The following RTF1 variants were observed in gnomAD, a reference collection of about 807,000 sequenced individuals.
RTF1 encodes the protein RNA polymerase-associated protein RTF1 homolog.
In RTF1, 10 loss-of-function variants were observed where a neutral mutation model predicts 95.7. That is an observed-to-expected ratio of 0.10 (90% CI 0.06 to 0.18). RTF1 has a LOEUF of 0.18. RTF1 is among the 10% of genes least tolerant of loss of function. The pLI is 1.00. For synonymous variants in RTF1, 305 were observed against 311.8 expected, an observed-to-expected ratio of 0.98 and a Z score of 0.23; for missense variants, 458 against 875.6, an observed-to-expected ratio of 0.52 and a Z score of 6.02.
At chr15:41,447,376 G>C (rs1490009939) in intron 2 of RTF1, among the ~76,000 whole-genome samples, 1 of 151,980 alleles carries the variant, frequency 6.6e-6, no homozygotes, top group Non-Finnish European at 1.5e-5. Flanking sequence ...TTTCAGTTGC[G>C]TGCCCAGAAG....
At chr15:41,436,233 C>T (rs1182235727) in intron 1 of RTF1, among the ~76,000 whole-genome samples, 2 of 147,514 alleles carry the variant, frequency 1.4e-5, no homozygotes, top group Non-Finnish European at 3.0e-5. Flanking sequence ...AGGCGGATCA[C>T]GAGGTCAGGA....
rs778939470 is a variant in RTF1, at chr15:41,480,242, C to T, written c.1943C>T (p.Ser648Phe). 11 of 1,613,272 alleles carry T rather than the reference C, an allele frequency of 6.8e-6. No homozygotes were observed. Among genetic ancestry groups the T allele is most frequent in the Non-Finnish European group, 6.8e-6 (8 of 1,179,302 alleles). Reference sequence around the variant, plus strand: ...CAAGGCAAAGATAAAGATTTGAATTCTAAGTCAGCCAGTGACCTCTCAGAA... The same window carrying T: ...CAAGGCAAAGATAAAGATTTGAATTTTAAGTCAGCCAGTGACCTCTCAGAA... The part of the protein sequence containing the change: ...KGQGKDKDLN[S>F]KSASDLSEDL... The change falls in exon 17 of 18, where the codon TCT becomes TTT. Residue 648 changes from serine (S) to phenylalanine (F), a missense_variant. Ser to Phe is a radical substitution (Grantham distance 155). This residue lies in a region of RTF1 where 50 missense variants were observed against 100.0 expected (regional missense o/e 0.50). Transcript: ENST00000389629.
chr15:41,471,289 T>C lies in RTF1; in HGVS notation c.1143T>C (p.Thr381=). ...RWCHMPFFAK[T]VTGCFVRIGI... ...GTCACATGCCCTTCTTTGCTAAAAC[T>C]GTCACAGGATGTTTTGTGCGGATTG... is the stretch of plus-strand genomic sequence containing the variant. The change falls in exon 8 of 18, where the codon ACT becomes ACC. Residue 381 remains threonine, a synonymous_variant. Transcript: ENST00000389629. 3 of 1,614,082 alleles carry C rather than the reference T, an allele frequency of 1.9e-6. No individual in the cohort carries two copies. The highest frequency in any genetic ancestry group is 1.1e-5 in the South Asian group (1 of 91,040).
At chr15:41,474,048 A>AC (rs1463540402) in intron 8 of RTF1, among the ~76,000 whole-genome samples, 1 of 151,296 alleles carries the variant, frequency 6.6e-6, no homozygotes, top group Non-Finnish European at 1.5e-5. Context: ...AAAACAAAAA[A>AC]CAAAAAAAAA....
At chr15:41,424,926 T>C (rs1291209624) in intron 1 of RTF1, among the ~76,000 whole-genome samples, 1 of 151,106 alleles carries the variant, frequency 6.6e-6, no homozygotes, top group African/African-American at 2.4e-5. Flanking sequence ...TGAGAATCCC[T>C]TGAACCTAGG....
intron 6 of RTF1, among the ~76,000 whole-genome samples, chr15:41,469,963 C>T (rs1282422464): frequency 3.9e-5 from 6 of 152,196 alleles, no homozygotes; most frequent in Non-Finnish European, 8.8e-5. Flanking sequence ...TCCCCATAGT[C>T]AAGTGTCTTG....
rs564636223 is a variant in RTF1 at position 41,454,563 on chromosome 15, CCTT to C, written c.457+1518_457+1520del. ...GAAAACAAAATTATATAGTCTTAAA[CCTT>C]CTGCCTATACATACTATTACACAAA... On this transcript the variant is annotated intron_variant, in intron 3 of 17. Coordinates refer to ENST00000389629, the MANE Select transcript of RTF1 (RefSeq NM_015138.5). Among the ~76,000 whole-genome samples the C allele has an allele frequency of 8.5e-5, 13 of 152,222 alleles. No individual in the cohort carries two copies. In the East Asian group the frequency reaches 2.5e-3, roughly 29 times the overall value.
intron 3 of RTF1, among the ~76,000 whole-genome samples, chr15:41,456,394 C>G (rs1445105153): frequency 1.3e-5 from 2 of 150,930 alleles, no homozygotes; most frequent in Non-Finnish European, 2.9e-5. Flanking sequence ...GAGGCTGAGG[C>G]AGGAGAATGG....
chr15:41,425,726 A>G (rs2050625847), intron 1 of RTF1, among the ~76,000 whole-genome samples: 1 of 152,168 alleles, frequency 6.6e-6, no homozygotes, highest in Admixed American at 6.6e-5. Flanking sequence ...TTGGATTGAT[A>G]TGGTTGTTAT....
intron 11 of RTF1, among the ~76,000 whole-genome samples, chr15:41,476,076 T>C (rs2050940659): frequency 6.6e-6 from 1 of 152,172 alleles, no homozygotes; most frequent in Non-Finnish European, 1.5e-5. Context: ...CACTAAAGTG[T>C]ATTTAGGGTT....
intron 4 of RTF1, among the ~76,000 whole-genome samples, chr15:41,463,999 A>C (rs145829429): frequency 6.6e-6 from 1 of 151,100 alleles, no homozygotes; most frequent in Non-Finnish European, 1.5e-5. Flanking sequence ...TTACAGGCAC[A>C]TGCCACCATG....
intron 1 of RTF1, among the ~76,000 whole-genome samples, chr15:41,433,483 C>A (rs942835470): frequency 6.6e-6 from 1 of 151,920 alleles, no homozygotes; most frequent in Non-Finnish European, 1.5e-5. Context: ...TACAGGCGTG[C>A]GCCACCATGC....
intron 1 of RTF1, among the ~76,000 whole-genome samples, chr15:41,431,391 A>C (rs1488192868): frequency 6.7e-6 from 1 of 149,382 alleles, no homozygotes; most frequent in East Asian, 2.0e-4. Context: ...CTTTTTTTGT[A>C]TTTTTAGTGG....
At chr15:41,444,282 G>C (rs919361662) in intron 2 of RTF1, among the ~76,000 whole-genome samples, 4 of 150,596 alleles carry the variant, frequency 2.7e-5, no homozygotes, top group Non-Finnish European at 4.4e-5. Context: ...AAGGAAAAAA[G>C]AAAAATACTT....
chr15:41,443,507 A>G (rs1298713061), intron 2 of RTF1, among the ~76,000 whole-genome samples: 1 of 152,130 alleles, frequency 6.6e-6, no homozygotes, highest in Non-Finnish European at 1.5e-5. Context: ...TTGATCAGAG[A>G]AGCATCATCA....
intron 2 of RTF1, among the ~76,000 whole-genome samples, chr15:41,450,206 A>C (rs2050783181): frequency 6.6e-6 from 1 of 152,198 alleles, no homozygotes; most frequent in Admixed American, 6.6e-5. Context: ...AAAAATAAAA[A>C]ATAAAATGAA....
intron 2 of RTF1, among the ~76,000 whole-genome samples, chr15:41,438,963 G>T (rs1595428881): frequency 6.8e-6 from 1 of 146,748 alleles, no homozygotes; most frequent in African/African-American, 2.5e-5. Context: ...TAGTCATTCT[G>T]TAGCTTTTTT....
intron 1 of RTF1, among the ~76,000 whole-genome samples, chr15:41,428,546 G>C (rs7167144): frequency 0.017 from 2,511 of 151,106 alleles, 81 homozygotes; most frequent in African/African-American, 0.058. Context: ...GGGATTACAA[G>C]TGTGAGCTAC....
intron 7 of RTF1, 117 bp from the exon 8 acceptor site, chr15:41,471,055 C>A (rs971445644): frequency 3.3e-6 from 3 of 918,890 alleles, no homozygotes; most frequent in African/African-American, 1.7e-5. Context: ...TCATTTACTT[C>A]TCCTCCTAGG....
Sources: allele counts gnomAD v4.1 joint callset (sites outside exome capture counted in the v4.1 genomes callset), GRCh38; gene constraint gnomAD v4.1.1; regional missense constraint gnomAD v4.1.1; transcripts MANE v1.5; gene names NCBI Gene and HGNC (gene_info 2026-07-23, HGNC 2026-07-21).